TMPRSS15: variants seen among roughly 807,000 people sequenced by gnomAD.
TMPRSS15 encodes enteropeptidase.
In TMPRSS15, 128 loss-of-function variants were observed where a neutral mutation model predicts 125.3. The ratio of observed to expected loss-of-function variants is 1.02; its 90% confidence interval spans 0.89 to 1.18. The LOEUF is 1.18. Among genes scored for constraint, TMPRSS15 ranks in the 50% most tolerant of loss-of-function variants. TMPRSS15 has a pLI of 0.00. For synonymous variants in TMPRSS15, 446 were observed against 423.2 expected, an observed-to-expected ratio of 1.05 and a Z score of -0.66; for missense variants, 1,283 against 1,212.7, an observed-to-expected ratio of 1.06 and a Z score of -0.86.
At chr21:18,440,329 C>T (rs963412577) in intron 1 of TMPRSS15, among the ~76,000 whole-genome samples, 5 of 137,166 alleles carry the variant, frequency 3.6e-5, no homozygotes, top group Admixed American at 7.6e-5. Flanking sequence ...GTCGAGATCG[C>T]GCCACTGCAC....
chr21:18,337,583 G>C (rs890195913), intron 13 of TMPRSS15, among the ~76,000 whole-genome samples: 1 of 152,154 alleles, frequency 6.6e-6, no homozygotes, highest in Non-Finnish European at 1.5e-5. Flanking sequence ...AGTTATTAAA[G>C]TCATGAAATG....
chr21:18,437,744 A>G (rs1160114666), intron 1 of TMPRSS15, among the ~76,000 whole-genome samples: 1 of 152,256 alleles, frequency 6.6e-6, no homozygotes, highest in African/African-American at 2.4e-5. Context: ...ATCACTGGCC[A>G]TCAGAGAAAT....
chr21:18,405,581 C>G (rs1391830774), upstream of TMPRSS15, among the ~76,000 whole-genome samples: 2 of 151,992 alleles, frequency 1.3e-5, no homozygotes, highest in African/African-American at 4.8e-5. Context: ...ATTAAGTGCC[C>G]ATAAGTGTGA....
intron 13 of TMPRSS15, among the ~76,000 whole-genome samples, chr21:18,336,714 C>T (rs567267470): frequency 2.6e-5 from 4 of 152,292 alleles, no homozygotes; most frequent in East Asian, 3.9e-4. Context: ...GACTGGAGTG[C>T]TGTGGCTATT....
chr21:18,401,566 A>G (rs1207733056), intron 1 of TMPRSS15, among the ~76,000 whole-genome samples: 1 of 152,142 alleles, frequency 6.6e-6, no homozygotes, highest in East Asian at 1.9e-4. Flanking sequence ...AACAATAGAC[A>G]CTGGGGACTA....
At chr21:18,403,265 T>G (rs2076113588) in intron 1 of TMPRSS15, among the ~76,000 whole-genome samples, 1 of 152,222 alleles carries the variant, frequency 6.6e-6, no homozygotes, top group South Asian at 2.1e-4. Flanking sequence ...ACATACCAAT[T>G]AATTTTCCTA....
In TMPRSS15 at chr21:18,464,327, C is replaced by T. The variant is rs189059994; in HGVS notation, c.10+21472G>A. Among the ~76,000 whole-genome samples the T allele has an allele frequency of 3.9e-3, 596 of 151,860 alleles. 7 individuals are homozygous for T. The highest frequency in any genetic ancestry group is 0.014 in the African/African-American group (577 of 41,430). The stretch of plus-strand genomic sequence containing the variant: ...GAAAGTGGGAAAGATCTAAAATCGA[C>T]ACCCTAACATCACAATTAAAAGAAC... On this transcript the variant is annotated intron_variant, in intron 1 of 7. Coordinates refer to the TMPRSS15 transcript ENST00000422787.
intron 24 of TMPRSS15, among the ~76,000 whole-genome samples, chr21:18,271,538 T>TCTAA (rs963172547): frequency 3.3e-5 from 5 of 152,196 alleles, no homozygotes; most frequent in African/African-American, 1.2e-4. Context: ...CTTCTTGTCA[T>TCTAA]CTAACTATAA....
intron 14 of TMPRSS15, among the ~76,000 whole-genome samples, chr21:18,331,848 T>G (rs2075348376): frequency 6.6e-6 from 1 of 152,166 alleles, no homozygotes; most frequent in Non-Finnish European, 1.5e-5. Flanking sequence ...GAAGTTCTTG[T>G]GGGAAATGAA....
At chr21:18,427,924 C>A (rs1569066739) in intron 1 of TMPRSS15, among the ~76,000 whole-genome samples, 1 of 152,112 alleles carries the variant, frequency 6.6e-6, no homozygotes, top group Non-Finnish European at 1.5e-5. Flanking sequence ...ACTTATGATT[C>A]ATTCACATAT....
upstream of TMPRSS15, among the ~76,000 whole-genome samples, chr21:18,407,939 A>C (rs1050889342): frequency 9.2e-5 from 14 of 152,158 alleles, no homozygotes; most frequent in African/African-American, 3.4e-4. Context: ...GTTGTGTACC[A>C]TTTTGGTAAT....
At chr21:18,391,819 A>T (rs907182036) in intron 3 of TMPRSS15, among the ~76,000 whole-genome samples, 4 of 152,240 alleles carry the variant, frequency 2.6e-5, no homozygotes, top group African/African-American at 9.6e-5. Context: ...TTCTGCCTAC[A>T]TATCCAGATG....
intron 1 of TMPRSS15, among the ~76,000 whole-genome samples, chr21:18,444,674 C>A (rs1222855041): frequency 1.3e-5 from 2 of 152,166 alleles, no homozygotes; most frequent in Non-Finnish European, 2.9e-5. Context: ...CCCATCACCT[C>A]AAACATGTGT....
chr21:18,462,956 T>C (rs1346078398), intron 1 of TMPRSS15, among the ~76,000 whole-genome samples: 1 of 152,062 alleles, frequency 6.6e-6, no homozygotes, highest in Non-Finnish European at 1.5e-5. Context: ...CCACCCAAAC[T>C]GAGCTTCATA....
chr21:18,278,987 C>G lies in TMPRSS15; in HGVS notation c.2741G>C (p.Gly914Ala), dbSNP rs745366672. Residue 914 changes from glycine to alanine, a missense_variant, in exon 23 of 25, where the codon GGT becomes GCT. Transcript: ENST00000284885. ...FPPGRNCSIA[G>A]WGTVVYQGTT... is the part of the protein sequence containing the mutation. ...ACCTTGATATACAACCGTCCCCCAA[C>G]CAGCAATAGAACAATTTCTTCCTGG... 61 of 1,502,040 alleles carry G rather than the reference C, an allele frequency of 4.1e-5. No individual in the cohort carries two copies. The highest frequency in any genetic ancestry group is 5.3e-5 in the Non-Finnish European group (58 of 1,100,396). The allele number at this position is 1,502,040 out of a possible 1,614,324, so 93.0% of individuals were successfully genotyped here.
chr21:18,310,389 T>A (rs999366093), intron 18 of TMPRSS15, among the ~76,000 whole-genome samples: 2 of 151,842 alleles, frequency 1.3e-5, no homozygotes, highest in African/African-American at 4.8e-5. Flanking sequence ...CAAAACAAAA[T>A]CATTACAGTT....
intron 16 of TMPRSS15, among the ~76,000 whole-genome samples, chr21:18,324,857 T>C (rs1389508427): frequency 1.3e-5 from 2 of 152,044 alleles, no homozygotes; most frequent in African/African-American, 4.8e-5. Context: ...ACTCAAATGT[T>C]GAATTAAATT....
chr21:18,397,103 A>C (rs2076048125), intron 3 of TMPRSS15, among the ~76,000 whole-genome samples: 1 of 151,738 alleles, frequency 6.6e-6, no homozygotes, highest in Non-Finnish European at 1.5e-5. Flanking sequence ...TAATTTTATA[A>C]ATTTACATTT....
intron 13 of TMPRSS15, among the ~76,000 whole-genome samples, chr21:18,339,104 T>C (rs971184687): frequency 1.1e-4 from 17 of 152,308 alleles, no homozygotes; most frequent in African/African-American, 2.9e-4. Flanking sequence ...TATTTTTTCA[T>C]GTAGTAATGG....
Sources: gnomAD v4.1 joint callset for allele counts (sites outside exome capture counted in the v4.1 genomes callset) on GRCh38, gnomAD v4.1.1 for gene constraint, MANE v1.5 for transcripts, NCBI Gene and HGNC (gene_info 2026-07-23, HGNC 2026-07-21) for gene names.